The following THOC7 variants were observed in gnomAD, a reference collection of about 807,000 sequenced individuals.
THOC7 encodes the protein THO complex subunit 7, also known as NIF3L1-binding protein 1.
THOC7 carries 22 observed loss-of-function variants against 33.1 expected under a neutral mutation model. The observed-to-expected ratio is 0.66, with a 90% confidence interval of 0.47 to 0.95. The LOEUF is 0.95. THOC7 is among the 40% of genes least tolerant of loss of function. The pLI is 0.00. For synonymous variants in THOC7, 77 were observed against 76.8 expected, an observed-to-expected ratio of 1.00 and a Z score of -0.01; for missense variants, 184 against 245.3, an observed-to-expected ratio of 0.75 and a Z score of 1.67.
chr3:63,835,094 C>T, intron 7 of THOC7, 60 bp downstream of exon 7: 3 of 1,520,716 alleles, frequency 2.0e-6, no homozygotes, highest in East Asian at 2.3e-5. Flanking sequence ...TCAAAAGGTA[C>T]ATCCCTGGGT....
chr3:63,863,371 C>T, intron 1 of THOC7: 1 of 912,978 alleles, frequency 1.1e-6, no homozygotes, highest in Non-Finnish European at 1.3e-6. Context: ...GTCCACCCTT[C>T]GCGGCTCCTG....
In THOC7 at chr3:63,834,196, T is replaced by G. The variant is rs140872243; in HGVS notation, c.551A>C (p.Asp184Ala). Residue 184 changes from aspartate to alanine, a missense_variant, in exon 8 of 8, where the codon GAT becomes GCT. This residue lies in a region of THOC7 where 25 missense variants were observed against 26.5 expected (regional missense o/e 0.94). Transcript: ENST00000295899. The part of the protein sequence containing the change: ...IHELQQTLEN[D>A]EKLSEVEEAQ... ...TTCTTCTACCTCTGAGAGTTTTTCA[T>G]CATCTGTAATTGAGAAGGAAACATA... 49 of 1,613,904 alleles carry G rather than the reference T, an allele frequency of 3.0e-5. No individual in the cohort carries two copies. The highest frequency in any genetic ancestry group is 3.9e-5 in the Non-Finnish European group (46 of 1,180,002).
chr3:63,857,946 G>A (rs938321505), intron 1 of THOC7, among the ~76,000 whole-genome samples: 5 of 152,084 alleles, frequency 3.3e-5, no homozygotes, highest in African/African-American at 9.7e-5. Flanking sequence ...TAGTTGAACT[G>A]CAGCAGTTAT....
intron 4 of THOC7, among the ~76,000 whole-genome samples, chr3:63,836,844 C>T (rs1701644110): frequency 6.6e-6 from 1 of 151,840 alleles, no homozygotes; most frequent in South Asian, 2.1e-4. Flanking sequence ...GTTCTATTTT[C>T]TGCTCCACTG....
At chr3:63,854,380 T>C (rs760346058) in intron 1 of THOC7, among the ~76,000 whole-genome samples, 9 of 152,252 alleles carry the variant, frequency 5.9e-5, no homozygotes, top group Non-Finnish European at 1.0e-4. Context: ...TTACTATACA[T>C]GTTGACTTCA....
At chr3:63,849,496 CAA>C (rs559219309) in intron 1 of THOC7, among the ~76,000 whole-genome samples, 79 of 152,296 alleles carry the variant, frequency 5.2e-4, no homozygotes, top group African/African-American at 1.7e-3. Context: ...ATACAGCAGG[CAA>C]AGTCTGATGT....
chr3:63,860,618 T>G (rs1702191636), intron 1 of THOC7: 1 of 152,190 alleles, frequency 6.6e-6, no homozygotes, highest in African/African-American at 2.4e-5. Context: ...AATGGCCTAC[T>G]GGAGAAACAG....
chr3:63,843,318 A>G (rs73120900), intron 1 of THOC7, among the ~76,000 whole-genome samples: 26,178 of 151,100 alleles, frequency 0.17, 2,823 homozygotes, highest in East Asian at 0.25. Flanking sequence ...GGGTTTAACC[A>G]TCTTGGCCAG....
At chr3:63,862,163 C>T (rs1191105240) in intron 1 of THOC7, among the ~76,000 whole-genome samples, 1 of 152,212 alleles carries the variant, frequency 6.6e-6, no homozygotes, top group Non-Finnish European at 1.5e-5. Flanking sequence ...TCCTATTGCC[C>T]TTAGAGATCT....
At chr3:63,861,586 C>T (rs1200148281) in intron 1 of THOC7, 1 of 152,150 alleles carries the variant, frequency 6.6e-6, no homozygotes. Context: ...AGGTGGTCTC[C>T]CTGCCTTTGA....
In THOC7 at chr3:63,847,787, T is replaced by C. The variant is rs574129724; in HGVS notation, c.20-8014A>G. ...CTGACATAACTTTTAGTTTATACCA[T>C]TGGACAAAATTTCCAAAAGTTTAAT... On this transcript the variant is annotated intron_variant, in intron 1 of 7. Coordinates refer to ENST00000295899, the MANE Select transcript of THOC7 (RefSeq NM_025075.4). 2.6e-5 allele frequency among the ~76,000 whole-genome samples: 4 copies of C among 152,286 alleles called. No homozygotes were observed. In the South Asian group the frequency reaches 8.3e-4, roughly 32 times the overall value.
intron 1 of THOC7, chr3:63,863,409 C>G: frequency 9.4e-7 from 1 of 1,064,726 alleles, no homozygotes; most frequent in Non-Finnish European, 1.1e-6. Context: ...TAGACAAACC[C>G]GGACTCCCTC....
intron 1 of THOC7, among the ~76,000 whole-genome samples, chr3:63,844,841 T>G (rs1701852561): frequency 6.6e-6 from 1 of 152,188 alleles, no homozygotes; most frequent in Admixed American, 6.5e-5. Context: ...GCTTATAAAT[T>G]ACCCATTCTC....
intron 3 of THOC7, 46 bp from the exon 4 acceptor site, chr3:63,838,108 A>G (rs1701672139): frequency 1.3e-6 from 2 of 1,491,766 alleles, no homozygotes; most frequent in African/African-American, 2.8e-5. Context: ...AAAATCAATA[A>G]TCCATTTTTA....
At chr3:63,863,457 G>C (rs1041039644) in intron 1 of THOC7, 12 of 1,144,462 alleles carry the variant, frequency 1.0e-5, no homozygotes, top group Non-Finnish European at 1.3e-5. Flanking sequence ...TAGCCGTCTC[G>C]GCCACCCACG....
intron 1 of THOC7, among the ~76,000 whole-genome samples, chr3:63,849,580 CA>C (rs1369030586): frequency 2.0e-5 from 3 of 151,926 alleles, no homozygotes; most frequent in African/African-American, 7.3e-5. Flanking sequence ...TCAAAGTTTG[CA>C]GCAAAGCAAA....
At chr3:63,846,468 C>T (rs780404959) in intron 1 of THOC7, among the ~76,000 whole-genome samples, 1 of 152,086 alleles carries the variant, frequency 6.6e-6, no homozygotes, top group Non-Finnish European at 1.5e-5. Context: ...AGTGCAAGGG[C>T]GCAATCTTGG....
chr3:63,863,569 G>C, intron 1 of THOC7: 12 of 1,196,176 alleles, frequency 1.0e-5, no homozygotes, highest in Non-Finnish European at 1.2e-5. Flanking sequence ...AGGGGCGCTC[G>C]GGCTCTGGCG....
At chr3:63,841,901 C>T (rs1701768605) in intron 1 of THOC7, among the ~76,000 whole-genome samples, 4 of 152,158 alleles carry the variant, frequency 2.6e-5, no homozygotes, top group Admixed American at 2.6e-4. Context: ...CTAGTCTTAT[C>T]TGTGTTCTTC....
Sources: gnomAD v4.1 joint callset for allele counts (sites outside exome capture counted in the v4.1 genomes callset) on GRCh38, gnomAD v4.1.1 for gene constraint, gnomAD v4.1.1 regional missense constraint, MANE v1.5 for transcripts, NCBI Gene and HGNC (gene_info 2026-07-23, HGNC 2026-07-21) for gene names.